Variants in TINAGL1 observed in about 807,000 individuals in gnomAD.
The protein encoded by TINAGL1 is tubulointerstitial nephritis antigen like 1, also known as tubulointerstitial nephritis antigen-like.
Under a neutral mutation model 62.0 loss-of-function variants are expected in TINAGL1, and 34 were observed. The ratio of observed to expected loss-of-function variants is 0.55; its 90% CI spans 0.42 to 0.73. The LOEUF (loss-of-function observed/expected upper bound fraction) is 0.73, where lower values mean the gene tolerates loss of function less well. Among genes scored for constraint, TINAGL1 ranks in the 30% least tolerant of loss-of-function variants. The pLI, the probability that TINAGL1 is intolerant of heterozygous loss-of-function variation, is 0.00. For synonymous variants in TINAGL1, 221 were observed against 249.7 expected (o/e 0.88, Z 1.08); for missense variants, 516 against 653.2 (o/e 0.79, Z 2.29).
At chr1:31,578,270 G>GTGTGTGTGTT in intron 2 of TINAGL1, 1 of 624,390 alleles carries the variant, frequency 1.6e-6, no homozygotes, top group Non-Finnish European at 2.0e-6. Flanking sequence ...GTGTGTGTGT[G>GTGTGTGTGTT]TGTGTGATGT....
intron 10 of TINAGL1, 75 bp from the exon 11 acceptor site, chr1:31,586,635 G>A (rs1639398295): frequency 1.3e-6 from 2 of 1,538,734 alleles, no homozygotes; most frequent in African/African-American, 1.4e-5. Flanking sequence ...GGCTGGATGG[G>A]GCAGGTTTCC....
At chr1:31,581,866 T>C (rs918593865) in intron 3 of TINAGL1, among the ~76,000 whole-genome samples, 1 of 152,188 alleles carries the variant, frequency 6.6e-6, no homozygotes, top group Admixed American at 6.5e-5. Context: ...GAATCTGAAT[T>C]CCAGAACCCA....
At chr1:31,581,397 C>T (rs902248305) in intron 3 of TINAGL1, among the ~76,000 whole-genome samples, 2 of 151,898 alleles carry the variant, frequency 1.3e-5, no homozygotes, top group Non-Finnish European at 2.9e-5. Flanking sequence ...AGTGGAGGGG[C>T]GAGAGGTAGG....
chr1:31,579,352 G>A, intron 3 of TINAGL1, 85 bp downstream of exon 3: 5 of 1,249,534 alleles, frequency 4.0e-6, no homozygotes, highest in Non-Finnish European at 5.8e-6. Flanking sequence ...GACCCCTTTT[G>A]CAAGGGAGAA....
In TINAGL1 at chr1:31,585,267, C is replaced by T. The variant is rs776548132; in HGVS notation, c.974C>T (p.Ala325Val). 1 of 1,613,404 alleles carries T rather than the reference C, an allele frequency of 6.2e-7. No homozygotes were observed. Among genetic ancestry groups the T allele is most frequent in the African/African-American group, 1.3e-5 (1 of 74,954 alleles). Residue 325 changes from alanine to valine, a missense_variant, in exon 8 of 12, where the codon GCC (alanine) becomes GTC (valine). Ala to Val is a moderately conservative substitution (Grantham distance 64). Coordinates refer to ENST00000271064, the MANE Select transcript of TINAGL1 (RefSeq NM_022164.3). The surrounding 1 kb of genome is among the most constrained non-coding windows in gnomAD (Gnocchi z 4.3). ...GGTCGGGGCAAGCGCCAGGCCACTGCCCACTGCCCCAACAGCTATGTTAAT... is the reference window on the plus strand; with the variant it reads ...GGTCGGGGCAAGCGCCAGGCCACTGTCCACTGCCCCAACAGCTATGTTAAT... ...AMGRGKRQATAHCPNSYVNNN... is the reference protein window; with the variant it reads ...AMGRGKRQATVHCPNSYVNNN...
intron 10 of TINAGL1, 157 bp downstream of exon 10, chr1:31,586,033 C>A (rs1570220753): frequency 3.7e-6 from 4 of 1,090,850 alleles, no homozygotes; most frequent in East Asian, 5.8e-5. Flanking sequence ...AAAGGACTTG[C>A]CCTGGGTCGA....
chr1:31,584,461 CG>C lies in TINAGL1; in HGVS notation c.583-216del. On this transcript the variant is annotated intron_variant, in intron 5 of 11. Coordinates refer to ENST00000271064, the MANE Select transcript of TINAGL1 (RefSeq NM_022164.3). The surrounding 1 kb of genome is among the most constrained non-coding windows in gnomAD (Gnocchi z 4.0). The stretch of plus-strand genomic sequence containing the variant: ...GCAGGACTAGTCACCACCGCCACCC[CG>C]CCCCGCCCCACCACCTGATACCTGG... 1 of 627,818 alleles carries C rather than the reference CG, an allele frequency of 1.6e-6. No homozygotes were observed. Among genetic ancestry groups the C allele is most frequent in the Non-Finnish European group, 2.7e-6 (1 of 368,160 alleles). The allele number at this position is 627,818 out of a possible 1,614,324, so 38.9% of individuals were successfully genotyped here. A position where few individuals can be genotyped will look rare whatever the true frequency, so the allele number is the denominator to read the frequency against.
Position 31,577,537 on chromosome 1 carries a change from A to T in TINAGL1, c.310+79A>T. The T allele has an allele frequency of 2.1e-6, 3 of 1,427,252 alleles. No homozygotes were observed. The highest frequency in any genetic ancestry group is 4.6e-5 in the East Asian group (2 of 43,348). The allele number at this position is 1,427,252 out of a possible 1,614,324, so 88.4% of individuals were successfully genotyped here. Reference sequence around the variant, plus strand: ...CAAGGCTCAAGAGCAAAGCTGATGGATGCACTGACATTTCCAGGGGAAGCT... The same window carrying T: ...CAAGGCTCAAGAGCAAAGCTGATGGTTGCACTGACATTTCCAGGGGAAGCT... On this transcript the variant is annotated intron_variant, in intron 2 of 11. Transcript: ENST00000271064. This position sits in a 1 kb window ranked among gnomAD's most constrained non-coding sequence, Gnocchi z 5.4.
At position 31,577,327 on chromosome 1, in the gene TINAGL1, A is replaced by C. The variant is rs1172830472; in HGVS notation, c.179A>C (p.Asp60Ala). 1.9e-6 allele frequency: 3 copies of C among 1,613,874 alleles called. No homozygotes were observed. In the South Asian group the frequency reaches 3.3e-5, roughly 18 times the overall value. The change falls in exon 2 of 12, where the codon GAC becomes GCC. Residue 60 changes from aspartate (D) to alanine (A), a missense_variant. Transcript: ENST00000271064. The surrounding 1 kb of genome is among the most constrained non-coding windows in gnomAD (Gnocchi z 5.4). ...EQDLCCRGRA[D>A]DCALPYLGAI... is the part of the protein sequence containing the mutation. ...GACCTGTGCTGCCGCGGCCGTGCCGACGACTGTGCCCTGCCCTACCTGGGC... is the reference window on the plus strand; with the variant it reads ...GACCTGTGCTGCCGCGGCCGTGCCGCCGACTGTGCCCTGCCCTACCTGGGC...
rs1450742327 is a variant in TINAGL1, at chr1:31,587,170, G to A, written c.*191G>A. 4.6e-6 allele frequency: 4 copies of A among 867,090 alleles called. No homozygotes were observed. The highest frequency in any genetic ancestry group is 3.1e-6 in the Non-Finnish European group (2 of 644,116). The allele number at this position is 867,090 out of a possible 1,614,324, so 53.7% of individuals were successfully genotyped here. ...GGAGCCGCGGGCAGGCGAGACTGGC[G>A]GAGCCCCCAGACCTCCCAGTGGGGA... is the stretch of plus-strand genomic sequence containing the variant. On this transcript the variant is annotated 3_prime_UTR_variant, in exon 12 of 12. Coordinates refer to ENST00000271064, the MANE Select transcript of TINAGL1 (RefSeq NM_022164.3).
In TINAGL1 at chr1:31,585,656, T is replaced by G; in HGVS notation, c.1094-97T>G. On this transcript the variant is annotated intron_variant, in intron 9 of 11. Transcript: ENST00000271064. The surrounding 1 kb of genome is among the most constrained non-coding windows in gnomAD (Gnocchi z 4.3). ...GGAGGGAGCACTTAGAGCTTTGGTA[T>G]GGAGGGACCCTGGTGCCTGGGCACA... 2.6e-6 allele frequency: 4 copies of G among 1,546,506 alleles called. No homozygotes were observed. Among genetic ancestry groups the G allele is most frequent in the Non-Finnish European group, 3.5e-6 (4 of 1,145,074 alleles).
intron 10 of TINAGL1, chr1:31,586,310 T>C: frequency 2.8e-6 from 1 of 355,186 alleles, no homozygotes; most frequent in Non-Finnish European, 5.2e-6. Flanking sequence ...GAATTGGCGG[T>C]CTCTAAGATA....
In TINAGL1 at chr1:31,583,610, C is replaced by T; in HGVS notation, c.582+35C>T. 1.9e-6 allele frequency: 3 copies of T among 1,556,646 alleles called. No homozygotes were observed. Among genetic ancestry groups the T allele is most frequent in the South Asian group, 2.3e-5 (2 of 86,616 alleles). ...TCCTTCCCCACAATGCTGCCATCTC[C>T]CCATGGCTCAGAACCTCAGGGATGC... On this transcript the variant is annotated intron_variant, in intron 5 of 11. Transcript: ENST00000271064. The surrounding 1 kb of genome is among the most constrained non-coding windows in gnomAD (Gnocchi z 4.4).
In TINAGL1 at chr1:31,585,826, G is replaced by C; in HGVS notation, c.1167G>C (p.Gly389=). Residue 389 remains glycine, a synonymous_variant, in exon 10 of 12, where the codon GGG becomes GGC. Coordinates refer to ENST00000271064, the MANE Select transcript of TINAGL1 (RefSeq NM_022164.3). This position sits in a 1 kb window ranked among gnomAD's most constrained non-coding sequence, Gnocchi z 4.3. Reference sequence around the variant, plus strand: ...ACAGCCACACGCCAGTGAGCCTTGGGAGGCCAGAGAGATACCGCCGGCATG... The same window carrying C: ...ACAGCCACACGCCAGTGAGCCTTGGCAGGCCAGAGAGATACCGCCGGCATG... The part of the protein sequence containing the change: ...GIYSHTPVSL[G]RPERYRRHGT... 1 of 1,611,548 alleles carries C rather than the reference G, an allele frequency of 6.2e-7. No individual in the cohort carries two copies. Among genetic ancestry groups the C allele is most frequent in the Non-Finnish European group, 8.5e-7 (1 of 1,178,904 alleles).
intron 3 of TINAGL1, among the ~76,000 whole-genome samples, chr1:31,579,599 G>A (rs370791150): frequency 5.3e-5 from 8 of 152,114 alleles, no homozygotes; most frequent in Admixed American, 2.0e-4. Flanking sequence ...AGAAGGGGGC[G>A]CCAGGAAGGA....
rs1262930152 is a variant in TINAGL1, at chr1:31,577,384, G to A, written c.236G>A (p.Arg79His). ...AICYCDLFCN[R>H]TVSDCCPDFW... The stretch of plus-strand genomic sequence containing the variant: ...TGTTACTGTGACCTCTTCTGCAACC[G>A]CACGGTCTCCGACTGCTGCCCTGAC... Residue 79 changes from arginine (R) to histidine (H), a missense_variant, in exon 2 of 12, where the codon CGC (arginine) becomes CAC (histidine). Coordinates refer to ENST00000271064, the MANE Select transcript of TINAGL1 (RefSeq NM_022164.3). This position sits in a 1 kb window ranked among gnomAD's most constrained non-coding sequence, Gnocchi z 5.4. 8.1e-6 allele frequency: 13 copies of A among 1,613,892 alleles called. No homozygotes were observed. Among genetic ancestry groups the A allele is most frequent in the Admixed American group, 1.7e-5 (1 of 60,000 alleles).
rs553217311 is a variant in TINAGL1, at chr1:31,583,949, C to T, written c.582+374C>T. On this transcript the variant is annotated intron_variant, in intron 5 of 11. Transcript: ENST00000271064. This position sits in a 1 kb window ranked among gnomAD's most constrained non-coding sequence, Gnocchi z 4.4. ...GTTCTGGCCAGAGGGCAGCAGTTCT[C>T]GGAAATAAATGCCGGTTCAGCGGAA... 2.3e-4 allele frequency: 46 copies of T among 196,464 alleles called. No individual in the cohort carries two copies. The highest frequency in any genetic ancestry group is 9.5e-5 in the Non-Finnish European group (9 of 94,990). 12.2% of individuals were successfully genotyped at this position (196,464 alleles called of 1,614,324 possible). A position where few individuals can be genotyped will look rare whatever the true frequency, so the allele number is the denominator to read the frequency against.
In TINAGL1 at chr1:31,585,632, G is replaced by C; in HGVS notation, c.1094-121G>C. On this transcript the variant is annotated intron_variant, in intron 9 of 11. Coordinates refer to ENST00000271064, the MANE Select transcript of TINAGL1 (RefSeq NM_022164.3). This position sits in a 1 kb window ranked among gnomAD's most constrained non-coding sequence, Gnocchi z 4.3. ...CCCCCCCTCCCACAGGCAGCACCTG[G>C]AGGGAGCACTTAGAGCTTTGGTATG... 2 of 1,537,556 alleles carry C rather than the reference G, an allele frequency of 1.3e-6. No homozygotes were observed. The highest frequency in any genetic ancestry group is 1.8e-6 in the Non-Finnish European group (2 of 1,139,308).
chr1:31,583,322 G>A lies in TINAGL1; in HGVS notation c.467+81G>A, dbSNP rs776748243. ...ACACGCATGCTGTGCTGTGGGGCACGTCCAGCAGGCCACTCCTACACCCAG... is the reference window on the plus strand; with the variant it reads ...ACACGCATGCTGTGCTGTGGGGCACATCCAGCAGGCCACTCCTACACCCAG... On this transcript the variant is annotated intron_variant, in intron 4 of 11. Transcript: ENST00000271064. The surrounding 1 kb of genome is among the most constrained non-coding windows in gnomAD (Gnocchi z 4.4). 38 of 1,526,706 alleles carry A rather than the reference G, an allele frequency of 2.5e-5. No individual in the cohort carries two copies. Among genetic ancestry groups the A allele is most frequent in the South Asian group, 9.0e-5 (8 of 88,614 alleles). The allele number at this position is 1,526,706 out of a possible 1,614,324, so 94.6% of individuals were successfully genotyped here.
Sources: allele counts gnomAD v4.1 joint callset (sites outside exome capture counted in the v4.1 genomes callset), GRCh38; gene constraint gnomAD v4.1.1; non-coding constraint Gnocchi (gnomAD v3.1); transcripts MANE v1.5; gene names NCBI Gene and HGNC (gene_info 2026-07-23, HGNC 2026-07-21).